The following ASXL3 variants were observed in gnomAD, a reference collection of about 807,000 sequenced individuals.
The protein encoded by ASXL3 is ASXL transcriptional regulator 3.
A neutral mutation model predicts 170.6 loss-of-function variants in ASXL3; 34 were observed. The observed-to-expected ratio is 0.20, with a 90% CI of 0.15 to 0.27. ASXL3 has a LOEUF of 0.27. Among genes scored for constraint, ASXL3 ranks in the 10% least tolerant of loss-of-function variants. The pLI is 1.00. For missense variants in ASXL3, 2,592 were observed against 2,695.3 expected, an observed-to-expected ratio of 0.96 and a Z score of 0.85; for synonymous variants, 1,002 against 989.1, an observed-to-expected ratio of 1.01 and a Z score of -0.24.
chr18:33,604,937 A>G lies in ASXL3; in HGVS notation c.55-2657A>G, dbSNP rs75040393. 9.1e-3 allele frequency among the ~76,000 whole-genome samples: 1,392 copies of G among 152,150 alleles called. 21 individuals carry two copies. The highest frequency in any genetic ancestry group is 0.032 in the African/African-American group (1,331 of 41,540). On this transcript the variant is annotated intron_variant, in intron 1 of 11. Coordinates refer to ENST00000269197, the MANE Select transcript of ASXL3 (RefSeq NM_030632.3). Reference sequence around the variant, plus strand: ...TGTTAATATTTCACTTTAGCAAAAAATATAAATTCGAGATGAATTAAAAAA... The same window carrying G: ...TGTTAATATTTCACTTTAGCAAAAAGTATAAATTCGAGATGAATTAAAAAA...
chr18:33,744,248 G>A lies in ASXL3; in HGVS notation c.4400G>A (p.Arg1467Gln), dbSNP rs754700314. 6.8e-6 allele frequency: 11 copies of A among 1,613,824 alleles called. No homozygotes were observed. In the African/African-American group the frequency reaches 1.2e-4, roughly 18 times the overall value. ...PGGFAPAAIN[R>Q]SIPCKVIVDH... Reference sequence around the variant, plus strand: ...GGCTTTGCACCAGCAGCCATAAACCGATCAATTCCGTGTAAAGTCATCGTT... The same window carrying A: ...GGCTTTGCACCAGCAGCCATAAACCAATCAATTCCGTGTAAAGTCATCGTT... The change falls in exon 12 of 12, where the codon CGA (arginine) becomes CAA (glutamine). Residue 1467 changes from arginine to glutamine, a missense_variant. Arg to Gln is a conservative substitution (Grantham distance 43, BLOSUM62 1). Around this residue, in one of 4 missense-constraint regions of ASXL3, gnomAD observed 2,246 missense variants for 2,219.6 expected, o/e 1.01. Coordinates refer to ENST00000269197, the MANE Select transcript of ASXL3 (RefSeq NM_030632.3).
chr18:33,667,433 A>G (rs1332552502), intron 5 of ASXL3, among the ~76,000 whole-genome samples: 13 of 152,236 alleles, frequency 8.5e-5, no homozygotes, highest in Non-Finnish European at 1.8e-4. Context: ...AATCTAATTT[A>G]TAAAGCCTTG....
chr18:33,745,796 A>G lies in ASXL3; in HGVS notation c.5948A>G (p.Gln1983Arg). ...GTTAGTCTTTCCTCAGCACCTCACC[A>G]GCTAAGGTTAGCCAACATGTTATCC... ...GEVSLSSAPHQLRLANMLSPN... is the reference protein window; with the variant it reads ...GEVSLSSAPHRLRLANMLSPN... The change falls in exon 12 of 12, where the codon CAG becomes CGG. Residue 1983 changes from glutamine to arginine, a missense_variant. Around this residue, in one of 4 missense-constraint regions of ASXL3, gnomAD observed 2,246 missense variants for 2,219.6 expected, o/e 1.01. Transcript: ENST00000269197. 3 of 1,614,020 alleles carry G rather than the reference A, an allele frequency of 1.9e-6. No individual in the cohort carries two copies. The highest frequency in any genetic ancestry group is 1.7e-6 in the Non-Finnish European group (2 of 1,179,902).
intron 8 of ASXL3, among the ~76,000 whole-genome samples, chr18:33,730,948 C>T (rs1378416929): frequency 6.6e-6 from 1 of 152,098 alleles, no homozygotes; most frequent in Non-Finnish European, 1.5e-5. Context: ...CTCATGATCT[C>T]GAATCTGTGG....
chr18:33,581,912 G>C (rs2064995741), intron 1 of ASXL3, among the ~76,000 whole-genome samples: 1 of 152,190 alleles, frequency 6.6e-6, no homozygotes. Flanking sequence ...TTTTAAAACA[G>C]TAATACCACA....
chr18:33,707,586 T>C (rs935101316), intron 8 of ASXL3, among the ~76,000 whole-genome samples: 20 of 151,988 alleles, frequency 1.3e-4, no homozygotes, highest in African/African-American at 4.8e-4. Context: ...TGGTTTTTTA[T>C]CCTCTCAGTC....
chr18:33,658,030 G>A (rs1411426857), intron 4 of ASXL3, among the ~76,000 whole-genome samples: 2 of 152,102 alleles, frequency 1.3e-5, no homozygotes, highest in East Asian at 3.9e-4. Context: ...AGTTAGAAAA[G>A]ATAGCTCCTG....
chr18:33,608,705 C>T (rs557137998), intron 2 of ASXL3, among the ~76,000 whole-genome samples: 2 of 152,082 alleles, frequency 1.3e-5, no homozygotes, highest in South Asian at 2.1e-4. Context: ...ACAGTAGTTG[C>T]AACTTGATGA....
intron 2 of ASXL3, among the ~76,000 whole-genome samples, chr18:33,623,853 A>G (rs1023345703): frequency 1.3e-5 from 2 of 152,136 alleles, no homozygotes; most frequent in Non-Finnish European, 2.9e-5. Context: ...GTTGTTTTTA[A>G]TATATATTAA....
At chr18:33,626,277 TA>T (rs903871597) in intron 2 of ASXL3, among the ~76,000 whole-genome samples, 16 of 151,868 alleles carry the variant, frequency 1.1e-4, no homozygotes, top group Middle Eastern at 3.4e-3. Context: ...ATTGATCATT[TA>T]AAAAAAAATC....
rs546541424 is a variant in ASXL3, at chr18:33,596,923, C to T, written c.55-10671C>T. Among the ~76,000 whole-genome samples, 5 of 152,234 alleles carry T rather than the reference C, an allele frequency of 3.3e-5. No homozygotes were observed. The East Asian group carries it at 9.7e-4, about 30-fold the overall frequency. ...CTCCACCTCTCAGACTCAAAAGATC[C>T]TTCCACCTTAGCCTCCTAAGTAGCT... On this transcript the variant is annotated intron_variant, in intron 1 of 11. Coordinates refer to ENST00000269197, the MANE Select transcript of ASXL3 (RefSeq NM_030632.3).
At chr18:33,717,046 G>C (rs1372833588) in intron 8 of ASXL3, among the ~76,000 whole-genome samples, 1 of 152,046 alleles carries the variant, frequency 6.6e-6, no homozygotes, top group Admixed American at 6.6e-5. Context: ...TATACATCAA[G>C]GAGGTGATTA....
chr18:33,740,031 T>G lies in ASXL3; in HGVS notation c.2627T>G (p.Val876Gly). The change falls in exon 11 of 12, where the codon GTG becomes GGG. Residue 876 changes from valine to glycine, a missense_variant. By Grantham distance (109) the Val-to-Gly change is moderately radical. Transcript: ENST00000269197. ...GTCCTGCAAAGAACAGAAAAAAAAGTGTTACCTTCACCATTGGAATTATCT... is the reference window on the plus strand; with the variant it reads ...GTCCTGCAAAGAACAGAAAAAAAAGGGTTACCTTCACCATTGGAATTATCT... ...HSVLQRTEKK[V>G]LPSPLELSVF... 1.2e-6 allele frequency: 2 copies of G among 1,613,750 alleles called. No homozygotes were observed. The highest frequency in any genetic ancestry group is 1.7e-6 in the Non-Finnish European group (2 of 1,179,840).
chr18:33,747,406 C>T lies in ASXL3; in HGVS notation c.*811C>T, dbSNP rs1458443497. 2.3e-5 allele frequency: 3 copies of T among 132,008 alleles called. No homozygotes were observed. The highest frequency in any genetic ancestry group is 2.4e-4 in the South Asian group (1 of 4,250). 8.2% of individuals were successfully genotyped at this position (132,008 alleles called of 1,614,324 possible). A position where few individuals can be genotyped will look rare whatever the true frequency, so the allele number is the denominator to read the frequency against. On this transcript the variant is annotated 3_prime_UTR_variant, in exon 12 of 12. Transcript: ENST00000269197. ...GAGCTTCATGTGTGGCTTTTAAGAG[C>T]AGGTTTGAAAAAAAAAAAAAAAAGA...
At chr18:33,732,270 T>G (rs769172263) in intron 9 of ASXL3, among the ~76,000 whole-genome samples, 16 of 152,182 alleles carry the variant, frequency 1.1e-4, no homozygotes, top group Non-Finnish European at 2.1e-4. Context: ...AAAGCATAAT[T>G]TTATCTTGGA....
intron 1 of ASXL3, among the ~76,000 whole-genome samples, chr18:33,601,370 T>C (rs1020098969): frequency 2.0e-5 from 3 of 152,068 alleles, no homozygotes; most frequent in Admixed American, 6.6e-5. Context: ...ATATTCATTA[T>C]CTCATTTAGT....
intron 8 of ASXL3, among the ~76,000 whole-genome samples, chr18:33,691,582 T>C (rs1477603116): frequency 6.6e-6 from 1 of 152,216 alleles, no homozygotes; most frequent in African/African-American, 2.4e-5. Context: ...CTCTGCTAGC[T>C]CTGATGATGT....
At chr18:33,638,178 T>C (rs916210382) in intron 2 of ASXL3, among the ~76,000 whole-genome samples, 1 of 148,510 alleles carries the variant, frequency 6.7e-6, no homozygotes, top group African/African-American at 2.5e-5. Flanking sequence ...TATATATATA[T>C]CTTATGTGTA....
intron 5 of ASXL3, among the ~76,000 whole-genome samples, chr18:33,662,378 TCTC>T (rs576378235): frequency 3.3e-5 from 5 of 152,080 alleles, no homozygotes; most frequent in South Asian, 2.1e-4. Flanking sequence ...GCAAGCCACT[TCTC>T]CTCTCTGAAT....
Sources: gnomAD v4.1 joint callset for allele counts (sites outside exome capture counted in the v4.1 genomes callset) on GRCh38, gnomAD v4.1.1 for gene constraint, gnomAD v4.1.1 regional missense constraint, MANE v1.5 for transcripts, NCBI Gene and HGNC (gene_info 2026-07-23, HGNC 2026-07-21) for gene names.